The following GAP43 variants were observed in gnomAD, a reference collection of about 807,000 sequenced individuals.
GAP43 encodes the protein growth associated protein 43.
In GAP43, 6 loss-of-function variants were observed where a neutral mutation model predicts 18.6. That is an observed-to-expected ratio of 0.32 (90% CI 0.18 to 0.64). The LOEUF is 0.64. Ranked by LOEUF, GAP43 falls within the 30% of genes least tolerant of loss-of-function variation. The pLI is 0.78. For synonymous variants in GAP43, 115 were observed against 111.4 expected, an observed-to-expected ratio of 1.03 and a Z score of -0.20; for missense variants, 292 against 295.5, an observed-to-expected ratio of 0.99 and a Z score of 0.09.
intron 2 of GAP43, among the ~76,000 whole-genome samples, chr3:115,708,541 A>G (rs1372186821): frequency 6.6e-6 from 1 of 152,222 alleles, no homozygotes; most frequent in Non-Finnish European, 1.5e-5. Flanking sequence ...GATAGAGCAG[A>G]GGAAGATACC....
intron 1 of GAP43, among the ~76,000 whole-genome samples, chr3:115,652,104 G>C (rs536219459): frequency 6.6e-6 from 1 of 152,114 alleles, no homozygotes; most frequent in East Asian, 1.9e-4. Context: ...TGCTTACTGG[G>C]TGTCTAGTTC....
intron 1 of GAP43, among the ~76,000 whole-genome samples, chr3:115,634,093 A>G: frequency 6.6e-6 from 1 of 152,166 alleles, no homozygotes; most frequent in Admixed American, 6.5e-5. Flanking sequence ...CAAAAATGTT[A>G]TTTTAAAATG....
chr3:115,624,936 G>C (rs1384325865), intron 1 of GAP43, among the ~76,000 whole-genome samples: 1 of 151,218 alleles, frequency 6.6e-6, no homozygotes, highest in Non-Finnish European at 1.5e-5. Context: ...GGTCAAAGAA[G>C]CCCTTCGCAG....
intron 2 of GAP43, among the ~76,000 whole-genome samples, chr3:115,683,136 C>T (rs923940743): frequency 1.9e-4 from 23 of 119,636 alleles, no homozygotes; most frequent in East Asian, 8.0e-4. Context: ...CGCGCGCGTG[C>T]GCGCGCGCGC....
intron 1 of GAP43, among the ~76,000 whole-genome samples, chr3:115,623,963 A>T (rs1009174492): frequency 4.7e-5 from 7 of 148,786 alleles, no homozygotes; most frequent in Non-Finnish European, 6.0e-5. Flanking sequence ...GCTAGAAATA[A>T]TTTTTTTTTT....
chr3:115,702,062 T>C (rs1324718451), intron 2 of GAP43, among the ~76,000 whole-genome samples: 1 of 152,018 alleles, frequency 6.6e-6, no homozygotes, highest in African/African-American at 2.4e-5. Context: ...GTTACACTTG[T>C]AGAGATAATG....
chr3:115,664,016 TTAAC>T (rs1275899225), intron 1 of GAP43: 8 of 1,086,376 alleles, frequency 7.4e-6, no homozygotes, highest in Non-Finnish European at 1.1e-5. Context: ...ACTTAATTAC[TTAAC>T]TAATGTCCTT....
chr3:115,676,713 A>G, intron 2 of GAP43, 103 bp downstream of exon 2: 1 of 1,221,602 alleles, frequency 8.2e-7, no homozygotes, highest in South Asian at 1.7e-5. Context: ...AAAAGTCTAG[A>G]AGATGTTTTC....
At chr3:115,686,013 G>A (rs1709028311) in intron 2 of GAP43, among the ~76,000 whole-genome samples, 1 of 152,122 alleles carries the variant, frequency 6.6e-6, no homozygotes, top group African/African-American at 2.4e-5. Flanking sequence ...AACTCTAACA[G>A]CCTTTATTTG....
At chr3:115,653,009 G>A (rs2107476401) in intron 1 of GAP43, among the ~76,000 whole-genome samples, 1 of 152,282 alleles carries the variant, frequency 6.6e-6, no homozygotes, top group East Asian at 1.9e-4. Context: ...GCAAGTTGAA[G>A]GATCTAGTTA....
rs749290767 is a variant in GAP43 at position 115,676,581 on chromosome 3, G to A, written c.599G>A (p.Gly200Glu). The A allele has an allele frequency of 1.9e-6, 3 of 1,608,360 alleles. No homozygotes were observed. The highest frequency in any genetic ancestry group is 2.5e-6 in the Non-Finnish European group (3 of 1,178,658). The change falls in exon 2 of 3, where the codon GGG becomes GAG. Residue 200 changes from glycine (G) to glutamate (E), a missense_variant. Coordinates refer to ENST00000305124, the MANE Select transcript of GAP43 (RefSeq NM_002045.4). ...ACAGCCCAGCCTCCAACGGAGACTG[G>A]GGAGAGCAGCCAAGCTGAAGAGAAC... ...KATAQPPTET[G>E]ESSQAEENIE...
chr3:115,633,596 AG>A (rs1201032855), intron 1 of GAP43, among the ~76,000 whole-genome samples: 2 of 152,164 alleles, frequency 1.3e-5, no homozygotes, highest in Non-Finnish European at 2.9e-5. Context: ...TGGCTCTAAA[AG>A]GAAGTAGTAA....
intron 1 of GAP43, among the ~76,000 whole-genome samples, chr3:115,626,696 A>G (rs1483930341): frequency 6.6e-6 from 1 of 152,170 alleles, no homozygotes; most frequent in Admixed American, 6.5e-5. Context: ...GTTGAAAAAT[A>G]ATGACTTTAG....
chr3:115,647,738 A>T (rs927869252), intron 1 of GAP43, among the ~76,000 whole-genome samples: 11 of 104,972 alleles, frequency 1.0e-4, no homozygotes, highest in Admixed American at 2.3e-4. Context: ...CAAAAACAAA[A>T]ACAAAACAAA....
At chr3:115,642,886 G>A (rs895614555) in intron 1 of GAP43, among the ~76,000 whole-genome samples, 9 of 151,938 alleles carry the variant, frequency 5.9e-5, no homozygotes, top group Non-Finnish European at 1.3e-4. Context: ...TGGATTTTAG[G>A]GGTATATGTG....
chr3:115,645,881 A>G (rs963883112), intron 1 of GAP43, among the ~76,000 whole-genome samples: 1 of 152,202 alleles, frequency 6.6e-6, no homozygotes, highest in Non-Finnish European at 1.5e-5. Flanking sequence ...GTAAAGTAGC[A>G]TGCAAACATA....
chr3:115,663,070 G>A (rs1708685953), intron 1 of GAP43, among the ~76,000 whole-genome samples: 1 of 152,126 alleles, frequency 6.6e-6, no homozygotes, highest in Non-Finnish European at 1.5e-5. Context: ...GTGTGCTGCT[G>A]CTTTGTACCA....
At chr3:115,635,599 C>T (rs575627863) in intron 1 of GAP43, among the ~76,000 whole-genome samples, 1 of 151,802 alleles carries the variant, frequency 6.6e-6, no homozygotes, top group Non-Finnish European at 1.5e-5. Flanking sequence ...GTCATGGGAT[C>T]GTTAATGACC....
rs372333287 is a variant in GAP43 at position 115,654,835 on chromosome 3, G to A, written c.31-21178G>A. Among the ~76,000 whole-genome samples the A allele has an allele frequency of 1.2e-4, 18 of 152,270 alleles. No individual in the cohort carries two copies. The East Asian group carries it at 3.1e-3, about 26-fold the overall frequency. On this transcript the variant is annotated intron_variant, in intron 1 of 2. Transcript: ENST00000305124. ...AATACCAAGTCCATTTTCCAGAAAT[G>A]TACACAGTACAGTGCAGCTGTAACA... is the stretch of plus-strand genomic sequence containing the variant.
Sources: gnomAD v4.1 joint callset for allele counts (sites outside exome capture counted in the v4.1 genomes callset) on GRCh38, gnomAD v4.1.1 for gene constraint, MANE v1.5 for transcripts, NCBI Gene and HGNC (gene_info 2026-07-23, HGNC 2026-07-21) for gene names.